WWP1: variants seen among roughly 807,000 people sequenced by gnomAD.
WWP1 encodes the protein WW domain containing E3 ubiquitin protein ligase 1, also known as NEDD4-like E3 ubiquitin-protein ligase WWP1.
A neutral mutation model predicts 130.6 loss-of-function variants in WWP1; 49 were observed. That is an observed-to-expected ratio of 0.38 (90% CI 0.30 to 0.48). The LOEUF (loss-of-function observed/expected upper bound fraction) is 0.48. WWP1 is among the 20% of genes least tolerant of loss of function. The pLI, the probability that WWP1 is intolerant of heterozygous loss-of-function variation, is 0.99. For synonymous variants in WWP1, 332 were observed against 367.8 expected (o/e 0.90, Z 1.11); for missense variants, 809 against 1,100.6 (o/e 0.74, Z 3.75).
intron 9 of WWP1, among the ~76,000 whole-genome samples, chr8:86,412,296 T>A (rs983789683): frequency 6.6e-6 from 1 of 152,222 alleles, no homozygotes; most frequent in African/African-American, 2.4e-5. Flanking sequence ...TCACAAACCT[T>A]GCTGATTGGC....
intron 1 of WWP1, among the ~76,000 whole-genome samples, chr8:86,350,260 G>A (rs950030094): frequency 8.5e-5 from 13 of 152,146 alleles, no homozygotes; most frequent in Admixed American, 7.2e-4. Context: ...AGTCTTAGCA[G>A]TATTTTTTGT....
At chr8:86,425,798 T>G (rs56102132) in intron 10 of WWP1, among the ~76,000 whole-genome samples, 48,197 of 152,116 alleles carry the variant, frequency 0.32, 9,172 homozygotes, top group Middle Eastern at 0.45. Context: ...AATAAAGTTT[T>G]TATTACATAC....
At chr8:86,447,818 A>G (rs556699192) in intron 18 of WWP1, among the ~76,000 whole-genome samples, 1 of 151,920 alleles carries the variant, frequency 6.6e-6, no homozygotes, top group East Asian at 1.9e-4. Context: ...TCAGGTGCAC[A>G]GGGCCCTTTT....
At chr8:86,376,145 T>G (rs888033802) in intron 3 of WWP1, among the ~76,000 whole-genome samples, 20 of 152,242 alleles carry the variant, frequency 1.3e-4, no homozygotes, top group African/African-American at 4.8e-4. Context: ...TTGCTCTGTA[T>G]AAGAAGCTTA....
intron 8 of WWP1, among the ~76,000 whole-genome samples, chr8:86,409,864 A>T (rs892350716): frequency 6.6e-6 from 1 of 152,128 alleles, no homozygotes; most frequent in Non-Finnish European, 1.5e-5. Context: ...CTTCTCAAAA[A>T]AAAAAGTTCT....
rs1313933069 is a variant in WWP1 at position 86,467,737 on chromosome 8, T to A, written c.*844T>A. 2 of 152,186 alleles carry A rather than the reference T, an allele frequency of 1.3e-5. No individual in the cohort carries two copies. The highest frequency in any genetic ancestry group is 6.5e-5 in the Admixed American group (1 of 15,276). The allele number at this position is 152,186 out of a possible 1,614,324, so 9.4% of individuals were successfully genotyped here. The stretch of plus-strand genomic sequence containing the variant: ...TTTAATTCATAATAAATTGATGCAA[T>A]TTCATACTTAGGAACATACAAAAGG... On this transcript the variant is annotated 3_prime_UTR_variant, in exon 25 of 25. Coordinates refer to ENST00000517970, the MANE Select transcript of WWP1 (RefSeq NM_007013.4).
chr8:86,349,480 T>G (rs1822791896), intron 1 of WWP1, among the ~76,000 whole-genome samples: 1 of 152,206 alleles, frequency 6.6e-6, no homozygotes, highest in African/African-American at 2.4e-5. Flanking sequence ...TAAATTTTAT[T>G]TAAGTATAAC....
chr8:86,369,526 T>C (rs1328046452), intron 2 of WWP1, among the ~76,000 whole-genome samples: 1 of 152,140 alleles, frequency 6.6e-6, no homozygotes, highest in Non-Finnish European at 1.5e-5. Flanking sequence ...GAAAGTTTCA[T>C]GTAGTAAAGT....
chr8:86,398,275 A>G (rs913918389), intron 5 of WWP1, 67 bp from the exon 6 acceptor site: 13 of 1,489,918 alleles, frequency 8.7e-6, no homozygotes, highest in Non-Finnish European at 1.2e-5. Context: ...CTTGAAATGT[A>G]GGTTTGATTT....
Position 86,391,267 on chromosome 8 carries a change from C to T in WWP1, c.335-7075C>T, listed in dbSNP as rs563188098. ...TTGGTTTATTCCCAAAGCTTTTGCT[C>T]CTTTAATCCTCTAATACATTGTCTC... On this transcript the variant is annotated intron_variant, in intron 5 of 24. Transcript: ENST00000517970. 3.9e-5 allele frequency among the ~76,000 whole-genome samples: 6 copies of T among 152,316 alleles called. No homozygotes were observed. In the South Asian group the frequency reaches 1.2e-3, roughly 32 times the overall value.
At position 86,342,946 on chromosome 8, in the gene WWP1, C is replaced by T. The variant is rs1822301793; in HGVS notation, c.-115+16C>T. Reference sequence around the variant, plus strand: ...TTCGCGCCGGGTAAGGACGGCGCGGCGCGGGGCTGGGGGTGCGAATGGGCA... The same window carrying T: ...TTCGCGCCGGGTAAGGACGGCGCGGTGCGGGGCTGGGGGTGCGAATGGGCA... On this transcript the variant is annotated intron_variant, in intron 1 of 24. Coordinates refer to ENST00000517970, the MANE Select transcript of WWP1 (RefSeq NM_007013.4). 1.8e-5 allele frequency: 3 copies of T among 163,018 alleles called. No homozygotes were observed. Among genetic ancestry groups the T allele is most frequent in the South Asian group, 2.3e-4 (1 of 4,440 alleles). 10.1% of individuals were successfully genotyped at this position (163,018 alleles called of 1,614,324 possible). A position where few individuals can be genotyped will look rare whatever the true frequency, so the allele number is the denominator to read the frequency against.
chr8:86,408,248 TACTC>T (rs1416543330), intron 8 of WWP1, among the ~76,000 whole-genome samples: 1 of 152,220 alleles, frequency 6.6e-6, no homozygotes, highest in African/African-American at 2.4e-5. Flanking sequence ...TATCACTAAA[TACTC>T]ACTTATTATA....
chr8:86,393,413 A>G (rs1221496030), intron 5 of WWP1, among the ~76,000 whole-genome samples: 1 of 151,930 alleles, frequency 6.6e-6, no homozygotes, highest in Non-Finnish European at 1.5e-5. Flanking sequence ...ATGCCTGGCT[A>G]ATTTTTGTGT....
chr8:86,454,826 T>G (rs1364802475), intron 21 of WWP1, among the ~76,000 whole-genome samples: 1 of 152,044 alleles, frequency 6.6e-6, no homozygotes, highest in Non-Finnish European at 1.5e-5. Flanking sequence ...ATACCTTTCT[T>G]TTACATATAA....
intron 1 of WWP1, among the ~76,000 whole-genome samples, chr8:86,353,527 C>T (rs902030770): frequency 3.9e-5 from 6 of 151,908 alleles, no homozygotes; most frequent in Admixed American, 3.9e-4. Context: ...GAGTCTCACT[C>T]TGTTGCCCAG....
chr8:86,463,235 T>C (rs969610824), intron 24 of WWP1, among the ~76,000 whole-genome samples: 2 of 152,208 alleles, frequency 1.3e-5, no homozygotes, highest in Admixed American at 6.5e-5. Context: ...CATTTGTTGG[T>C]GGTGATAATT....
At chr8:86,393,738 A>G (rs1439722008) in intron 5 of WWP1, among the ~76,000 whole-genome samples, 1 of 152,160 alleles carries the variant, frequency 6.6e-6, no homozygotes, top group Non-Finnish European at 1.5e-5. Context: ...TTTTTCTCAT[A>G]CTTTTGAGTA....
intron 22 of WWP1, among the ~76,000 whole-genome samples, chr8:86,458,707 C>T (rs1023356651): frequency 5.9e-5 from 9 of 152,144 alleles, no homozygotes; most frequent in African/African-American, 1.9e-4. Flanking sequence ...GTTTCATTTT[C>T]AGGTGAAGAG....
At chr8:86,431,381 ATAT>A in intron 12 of WWP1, 22 bp from the exon 13 acceptor site, 1 of 1,433,226 alleles carries the variant, frequency 7.0e-7, no homozygotes, top group Non-Finnish European at 9.5e-7. Context: ...TAGTTATTAA[ATAT>A]TATACTCACT....
Sources: gnomAD v4.1 joint callset for allele counts (sites outside exome capture counted in the v4.1 genomes callset) on GRCh38, gnomAD v4.1.1 for gene constraint, MANE v1.5 for transcripts, NCBI Gene and HGNC (gene_info 2026-07-23, HGNC 2026-07-21) for gene names.